Variants in PRAMEF18 observed in about 807,000 individuals in gnomAD.
PRAMEF18 encodes the protein PRAME family member 18.
In PRAMEF18, 15 loss-of-function variants were observed where a neutral mutation model predicts 23.7. That is an observed-to-expected ratio of 0.63 (90% CI 0.42 to 0.97). The LOEUF (loss-of-function observed/expected upper bound fraction) is 0.97. Among genes scored for constraint, PRAMEF18 ranks in the 50% least tolerant of loss-of-function variants. The pLI is 0.00. For missense variants in PRAMEF18, 223 were observed against 418.6 expected, an observed-to-expected ratio of 0.53 and a Z score of 4.08; for synonymous variants, 78 against 159.9, an observed-to-expected ratio of 0.49 and a Z score of 3.86.
exon 2 of PRAMEF18, chr1:13,224,932 G>T: frequency 6.2e-7 from 1 of 1,614,090 alleles, no homozygotes; most frequent in South Asian, 1.1e-5. Flanking sequence ...CCAGCCTGAG[G>T]AGCACAGAGC....
chr1:13,225,110 G>A (rs1265168689), exon 2 of PRAMEF18: 2 of 1,613,810 alleles, frequency 1.2e-6, no homozygotes, highest in Non-Finnish European at 1.7e-6. Context: ...GATACTGTCT[G>A]GGTATACTGT....
chr1:13,224,927 C>A, exon 2 of PRAMEF18: 2 of 1,614,100 alleles, frequency 1.2e-6, no homozygotes. Flanking sequence ...GTTCTCCAGC[C>A]TGAGGAGCAC....
At chr1:13,224,857 G>C in exon 2 of PRAMEF18, 1 of 1,613,978 alleles carries the variant, frequency 6.2e-7, no homozygotes, top group Admixed American at 1.7e-5. Context: ...TTCCTCACCT[G>C]ATCAGCTGGT....
intron 2 of PRAMEF18, 38 bp downstream of exon 2, chr1:13,224,817 G>A: frequency 6.2e-7 from 1 of 1,613,452 alleles, no homozygotes; most frequent in Non-Finnish European, 8.5e-7. Context: ...AAAAGGCTGT[G>A]CTATGGCCCC....
chr1:13,224,873 T>G (rs1638818778), exon 2 of PRAMEF18: 2 of 1,613,902 alleles, frequency 1.2e-6, no homozygotes, highest in African/African-American at 1.3e-5. Flanking sequence ...CTGGTCCAGG[T>G]GGCCTCTGAA....
At position 13,225,051 on chromosome 1, in the gene PRAMEF18, ACT is replaced by A; in HGVS notation, c.668_669del (p.Glu223ValfsTer2). On this transcript the variant is annotated frameshift_variant, in exon 2 of 3. Coordinates refer to ENST00000624297, the Ensembl canonical transcript of PRAMEF18. LOFTEE classifies it high-confidence loss of function. ...CTCATCTGGCTCAGGTAACGGCTAA[ACT>A]CTACTATCATACACAGCCAGCACAT... 2 of 1,614,178 alleles carry A rather than the reference ACT, an allele frequency of 1.2e-6. No individual in the cohort carries two copies. Among genetic ancestry groups the A allele is most frequent in the South Asian group, 2.2e-5 (2 of 91,084 alleles).
Position 13,225,809 on chromosome 1 carries a change from G to T in PRAMEF18, c.287+11C>A. 2 of 1,612,914 alleles carry T rather than the reference G, an allele frequency of 1.2e-6. No homozygotes were observed. The highest frequency in any genetic ancestry group is 1.1e-5 in the South Asian group (1 of 91,026). On this transcript the variant is annotated intron_variant, in intron 1 of 2. Transcript: ENST00000624297. Reference sequence around the variant, plus strand: ...TGGACACCTGGGCCCTCCCCACCTGGGTCACCTCACCTGGGGCGAACCTTT... The same window carrying T: ...TGGACACCTGGGCCCTCCCCACCTGTGTCACCTCACCTGGGGCGAACCTTT...
chr1:13,225,570 C>A (rs1638838046), intron 1 of PRAMEF18, 137 bp from the exon 2 acceptor site: 1 of 1,216,436 alleles, frequency 8.2e-7, no homozygotes, highest in Non-Finnish European at 1.1e-6. Context: ...TCCCTTTCCC[C>A]CTTGGATTCT....
Position 13,224,787 on chromosome 1 carries a change from T to C in PRAMEF18, c.866+68A>G, listed in dbSNP as rs878891455. ...GTGGCTGGCACACAGTAGATGCTGA[T>C]TGGTGTTTATTGTAACAAAAAAAGG... On this transcript the variant is annotated intron_variant, in intron 2 of 2. Transcript: ENST00000624297. 99 of 1,610,052 alleles carry C rather than the reference T, an allele frequency of 6.1e-5. No homozygotes were observed. The African/African-American group carries it at 8.0e-4, about 13-fold the overall frequency.
At chr1:13,224,189 A>T in intron 2 of PRAMEF18, 1 of 282,546 alleles carries the variant, frequency 3.5e-6, no homozygotes, top group South Asian at 3.0e-5. Flanking sequence ...TCTCTGGGCC[A>T]CAGGAGCCCA....
chr1:13,224,807 A>G, intron 2 of PRAMEF18, 48 bp downstream of exon 2: 2 of 1,612,804 alleles, frequency 1.2e-6, no homozygotes, highest in Admixed American at 3.3e-5. Flanking sequence ...TTGTAACAAA[A>G]AAAGGCTGTG....
exon 1 of PRAMEF18, chr1:13,226,102 C>G (rs1638849478): frequency 1.9e-6 from 3 of 1,612,358 alleles, no homozygotes. Context: ...GGCCTGGAAG[C>G]TCATCCTGAT....
At chr1:13,224,902 A>G (rs1638819647) in exon 2 of PRAMEF18, 3 of 1,613,956 alleles carry the variant, frequency 1.9e-6, no homozygotes, top group Non-Finnish European at 2.5e-6. Flanking sequence ...CCCTTCTTAC[A>G]TAAAGCATCT....
upstream of PRAMEF18, chr1:13,226,153 A>G: frequency 4.3e-6 from 7 of 1,612,012 alleles, no homozygotes; most frequent in Non-Finnish European, 5.9e-6. Flanking sequence ...CAAACTTATC[A>G]GGCCAGTCCT....
At chr1:13,223,351 A>G in exon 3 of PRAMEF18, 1 of 558,242 alleles carries the variant, frequency 1.8e-6, no homozygotes, top group Non-Finnish European at 2.3e-6. Context: ...CCTTCCCCAC[A>G]AGCAAAAATT....
exon 2 of PRAMEF18, chr1:13,225,012 G>C: frequency 6.2e-7 from 1 of 1,614,146 alleles, no homozygotes; most frequent in Non-Finnish European, 8.5e-7. Context: ...GAGATGAAGA[G>C]TTTGCGAAGA....
chr1:13,225,072 A>C (rs1162365987), exon 2 of PRAMEF18: 1 of 1,614,012 alleles, frequency 6.2e-7, no homozygotes, highest in East Asian at 2.2e-5. Flanking sequence ...ATACACAGCC[A>C]GCACATGTTC....
At chr1:13,226,038 C>T in exon 1 of PRAMEF18, 1 of 1,613,822 alleles carries the variant, frequency 6.2e-7, no homozygotes, top group Non-Finnish European at 8.5e-7. Flanking sequence ...CGGAGATGGC[C>T]AAGGCCTGGT....
exon 2 of PRAMEF18, chr1:13,224,926 C>A: frequency 1.2e-6 from 2 of 1,614,098 alleles, no homozygotes; most frequent in East Asian, 2.2e-5. Flanking sequence ...GGTTCTCCAG[C>A]CTGAGGAGCA....
Sources: gnomAD v4.1 joint callset for allele counts on GRCh38, gnomAD v4.1.1 for gene constraint, MANE v1.5 for transcripts, NCBI Gene and HGNC (gene_info 2026-07-23, HGNC 2026-07-21) for gene names.